SCAPER: variants seen among roughly 807,000 people sequenced by gnomAD.
SCAPER encodes the protein S phase cyclin A-associated protein in the endoplasmic reticulum.
In SCAPER, 98 loss-of-function variants were observed where a neutral mutation model predicts 182.2. The ratio of observed to expected loss-of-function variants is 0.54; its 90% CI spans 0.46 to 0.64. The LOEUF is 0.64. SCAPER is among the 30% of genes least tolerant of loss of function. The probability of loss-of-function intolerance (pLI) is 0.00; values close to 1 mark genes in which losing one functional copy is unlikely to be tolerated. For synonymous variants in SCAPER, 605 were observed against 564.6 expected, an observed-to-expected ratio of 1.07 and a Z score of -1.01; for missense variants, 1,432 against 1,690.0, an observed-to-expected ratio of 0.85 and a Z score of 2.68.
chr15:76,462,456 T>G (rs2049263494), intron 25 of SCAPER, among the ~76,000 whole-genome samples: 1 of 152,204 alleles, frequency 6.6e-6, no homozygotes, highest in East Asian at 1.9e-4. Flanking sequence ...TGAATAATTC[T>G]TATACATCTT....
intron 23 of SCAPER, among the ~76,000 whole-genome samples, chr15:76,540,246 A>T (rs1195646698): frequency 6.6e-6 from 1 of 151,918 alleles, no homozygotes; most frequent in Non-Finnish European, 1.5e-5. Context: ...ACAAAAAAAT[A>T]AAAATATTAG....
chr15:76,735,691 C>A (rs2061215737), intron 15 of SCAPER, among the ~76,000 whole-genome samples: 1 of 128,134 alleles, frequency 7.8e-6, no homozygotes, highest in Non-Finnish European at 1.7e-5. Context: ...AACAGAGACT[C>A]CGTCTCAAAA....
intron 20 of SCAPER, among the ~76,000 whole-genome samples, chr15:76,700,730 T>C (rs1248458322): frequency 4.6e-5 from 7 of 152,140 alleles, no homozygotes; most frequent in Admixed American, 3.9e-4. Flanking sequence ...ACTACAGACA[T>C]GTTCCTGATG....
chr15:76,596,168 T>C (rs1413978974), intron 22 of SCAPER, among the ~76,000 whole-genome samples: 3 of 120,400 alleles, frequency 2.5e-5, no homozygotes, highest in African/African-American at 5.1e-5. Context: ...CATCAGAGAA[T>C]ACTATAAACA....
intron 5 of SCAPER, among the ~76,000 whole-genome samples, chr15:76,823,019 T>C (rs2067703429): frequency 6.6e-6 from 1 of 152,184 alleles, no homozygotes; most frequent in Non-Finnish European, 1.5e-5. Flanking sequence ...TCTCATAAAA[T>C]GACAATCAGA....
At chr15:76,729,704 C>T (rs909297545) in intron 16 of SCAPER, among the ~76,000 whole-genome samples, 2 of 152,022 alleles carry the variant, frequency 1.3e-5, no homozygotes, top group African/African-American at 4.8e-5. Flanking sequence ...ATATGTATTT[C>T]TTAGGATATT....
chr15:76,525,354 T>A (rs919057765), intron 23 of SCAPER, among the ~76,000 whole-genome samples: 1 of 152,214 alleles, frequency 6.6e-6, no homozygotes, highest in Middle Eastern at 3.4e-3. Context: ...TTTTCTTTTT[T>A]AAATATAAAT....
chr15:76,574,333 A>G, intron 22 of SCAPER, 49 bp from the exon 23 acceptor site: 1 of 1,579,760 alleles, frequency 6.3e-7, no homozygotes, highest in South Asian at 1.1e-5. Flanking sequence ...AACAGACTAT[A>G]ATCTTCATTT....
intron 21 of SCAPER, among the ~76,000 whole-genome samples, chr15:76,658,500 G>T (rs1199873657): frequency 1.3e-5 from 2 of 152,042 alleles, no homozygotes; most frequent in African/African-American, 4.8e-5. Flanking sequence ...GCAATTTATA[G>T]ATTCAATTCT....
intron 17 of SCAPER, among the ~76,000 whole-genome samples, chr15:76,725,417 T>TAAAA (rs34802988): frequency 3.4e-5 from 5 of 145,022 alleles, no homozygotes; most frequent in Admixed American, 2.1e-4. Context: ...GTGTATACAT[T>TAAAA]AAAAAAAAAA....
chr15:76,881,147 G>A (rs897448275), intron 2 of SCAPER, among the ~76,000 whole-genome samples: 1 of 152,224 alleles, frequency 6.6e-6, no homozygotes, highest in African/African-American at 2.4e-5. Context: ...AAAGGCTAGA[G>A]TGTAGTGATA....
chr15:76,547,327 T>A (rs1014119301), intron 23 of SCAPER, among the ~76,000 whole-genome samples: 1 of 152,194 alleles, frequency 6.6e-6, no homozygotes, highest in African/African-American at 2.4e-5. Flanking sequence ...CGTGGATTTC[T>A]TTTTCTATGG....
chr15:76,749,748 T>C (rs1373420114), intron 15 of SCAPER, among the ~76,000 whole-genome samples: 1 of 152,072 alleles, frequency 6.6e-6, no homozygotes, highest in African/African-American at 2.4e-5. Flanking sequence ...GAGATATATG[T>C]CATGTTCATG....
chr15:76,570,875 G>A (rs2047388151), intron 23 of SCAPER, among the ~76,000 whole-genome samples: 1 of 151,944 alleles, frequency 6.6e-6, no homozygotes, highest in Non-Finnish European at 1.5e-5. Context: ...AAATAATATG[G>A]GTGATGTGAA....
At chr15:76,842,542 T>C (rs1383973728) in intron 4 of SCAPER, among the ~76,000 whole-genome samples, 1 of 152,200 alleles carries the variant, frequency 6.6e-6, no homozygotes, top group Non-Finnish European at 1.5e-5. Context: ...TCCGCAACCA[T>C]GCTGAACTGT....
At chr15:76,646,635 T>C (rs1472397042) in intron 21 of SCAPER, among the ~76,000 whole-genome samples, 1 of 152,214 alleles carries the variant, frequency 6.6e-6, no homozygotes, top group Non-Finnish European at 1.5e-5. Context: ...TGCCAAACTA[T>C]GAATTCTTTC....
intron 27 of SCAPER, among the ~76,000 whole-genome samples, chr15:76,400,830 A>C (rs2044405625): frequency 6.6e-6 from 1 of 152,174 alleles, no homozygotes; most frequent in African/African-American, 2.4e-5. Context: ...AAAAACCATC[A>C]AGAGTAAATC....
intron 25 of SCAPER, among the ~76,000 whole-genome samples, chr15:76,468,731 C>A (rs1026801733): frequency 6.6e-6 from 1 of 152,034 alleles, no homozygotes; most frequent in African/African-American, 2.4e-5. Flanking sequence ...GTACTAGGGT[C>A]CGAATGCTGT....
Position 76,763,534 on chromosome 15 carries a change from T to C in SCAPER, c.1725+1427A>G, listed in dbSNP as rs2062926100. ...TGTTTTGTTCTCCATATTTAGGAAGTTTTGGGTTATTTCTTTAAAAAAAAA... is the reference window on the plus strand; with the variant it reads ...TGTTTTGTTCTCCATATTTAGGAAGCTTTGGGTTATTTCTTTAAAAAAAAA... On this transcript the variant is annotated intron_variant, in intron 14 of 31. Coordinates refer to ENST00000563290, the MANE Select transcript of SCAPER (RefSeq NM_020843.4). 3.9e-5 allele frequency among the ~76,000 whole-genome samples: 3 copies of C among 76,312 alleles called. No individual in the cohort carries two copies. In the Admixed American group the frequency reaches 5.7e-4, roughly 15 times the overall value. The allele number at this position is 76,312 out of a possible 152,430, so 50.1% of individuals were successfully genotyped here. A position where few individuals can be genotyped will look rare whatever the true frequency, so the allele number is the denominator to read the frequency against.
Sources: allele counts gnomAD v4.1 joint callset (sites outside exome capture counted in the v4.1 genomes callset), GRCh38; gene constraint gnomAD v4.1.1; transcripts MANE v1.5; gene names NCBI Gene and HGNC (gene_info 2026-07-23, HGNC 2026-07-21).